The following CTNNA3 variants were observed in gnomAD, a reference collection of about 807,000 sequenced individuals.
The protein encoded by CTNNA3 is catenin alpha-3.
Under a neutral mutation model 95.7 loss-of-function variants are expected in CTNNA3, and 76 were observed. The ratio of observed to expected loss-of-function variants is 0.79; its 90% CI spans 0.66 to 0.96. The LOEUF is 0.96. Among genes scored for constraint, CTNNA3 ranks in the 40% least tolerant of loss-of-function variants. CTNNA3 has a pLI of 0.00. For missense variants in CTNNA3, 1,191 were observed against 1,089.8 expected (o/e 1.09, Z -1.31); for synonymous variants, 431 against 374.4 (o/e 1.15, Z -1.74).
At chr10:66,452,967 A>G (rs1483340841) in intron 11 of CTNNA3, among the ~76,000 whole-genome samples, 2 of 152,054 alleles carry the variant, frequency 1.3e-5, no homozygotes, top group African/African-American at 4.8e-5. Flanking sequence ...TGTAATCCCA[A>G]CACTTTCAGA....
At chr10:66,681,545 T>A (rs1847068459) in intron 9 of CTNNA3, among the ~76,000 whole-genome samples, 1 of 152,004 alleles carries the variant, frequency 6.6e-6, no homozygotes. Context: ...AATATCGGAG[T>A]CCTGGCCTAA....
intron 17 of CTNNA3, among the ~76,000 whole-genome samples, chr10:65,943,541 G>T (rs539419834): frequency 6.6e-6 from 1 of 152,238 alleles, no homozygotes; most frequent in South Asian, 2.1e-4. Context: ...CAACTAGCAG[G>T]GTGAATGGTA....
At chr10:66,754,854 A>C (rs1313540532) in intron 9 of CTNNA3, among the ~76,000 whole-genome samples, 4 of 152,160 alleles carry the variant, frequency 2.6e-5, no homozygotes, top group Non-Finnish European at 4.4e-5. Context: ...TGCAGATGAG[A>C]ATGTAAAATG....
intron 7 of CTNNA3, among the ~76,000 whole-genome samples, chr10:66,986,260 G>A (rs1850722794): frequency 6.6e-6 from 1 of 152,088 alleles, no homozygotes; most frequent in South Asian, 2.1e-4. Flanking sequence ...GGCTTTGAGA[G>A]GCCGAGGCAG....
At chr10:66,167,579 CT>C (rs1255621246) in intron 13 of CTNNA3, among the ~76,000 whole-genome samples, 1 of 151,874 alleles carries the variant, frequency 6.6e-6, no homozygotes, top group Non-Finnish European at 1.5e-5. Context: ...TATTATTTTA[CT>C]TTAATTTTTG....
intron 15 of CTNNA3, among the ~76,000 whole-genome samples, chr10:65,991,503 T>G (rs2078545442): frequency 6.6e-6 from 1 of 150,550 alleles, no homozygotes; most frequent in African/African-American, 2.4e-5. Flanking sequence ...ATTCCTAGGC[T>G]TTTTTTTTGT....
intron 11 of CTNNA3, among the ~76,000 whole-genome samples, chr10:66,401,608 T>G (rs2093022053): frequency 1.3e-5 from 2 of 151,830 alleles, no homozygotes; most frequent in African/African-American, 4.8e-5. Flanking sequence ...GATTGAATTT[T>G]GATTTTACTT....
chr10:66,353,010 T>G (rs1217074019), intron 12 of CTNNA3, among the ~76,000 whole-genome samples: 1 of 152,078 alleles, frequency 6.6e-6, no homozygotes, highest in Admixed American at 6.6e-5. Context: ...ATTATTTTAT[T>G]ATCATTATGT....
At chr10:65,955,396 T>C (rs2077707806) in intron 17 of CTNNA3, among the ~76,000 whole-genome samples, 3 of 152,200 alleles carry the variant, frequency 2.0e-5, no homozygotes, top group Admixed American at 1.3e-4. Flanking sequence ...TCCTGCCTGA[T>C]TGCCCTGGCC....
intron 5 of CTNNA3, among the ~76,000 whole-genome samples, chr10:67,224,316 C>T (rs1864792151): frequency 6.6e-6 from 1 of 152,158 alleles, no homozygotes; most frequent in African/African-American, 2.4e-5. Context: ...TGTTTAGATT[C>T]CACATATAAA....
chr10:67,494,883 G>A (rs1838976828), intron 5 of CTNNA3, among the ~76,000 whole-genome samples: 1 of 152,070 alleles, frequency 6.6e-6, no homozygotes, highest in Admixed American at 6.5e-5. Context: ...ACTGGCTCAG[G>A]GCACCAAAGA....
At chr10:66,142,548 T>C (rs2083673374) in intron 13 of CTNNA3, among the ~76,000 whole-genome samples, 1 of 152,068 alleles carries the variant, frequency 6.6e-6, no homozygotes, top group Admixed American at 6.6e-5. Flanking sequence ...CTTTCTGAGA[T>C]TTTGATTGGG....
intron 15 of CTNNA3, among the ~76,000 whole-genome samples, chr10:66,066,263 A>G (rs2080311179): frequency 6.6e-6 from 1 of 152,224 alleles, no homozygotes; most frequent in Admixed American, 6.5e-5. Context: ...AACAAATTAT[A>G]GAAGGTTAAA....
At chr10:66,608,142 A>T (rs1844195439) in intron 10 of CTNNA3, among the ~76,000 whole-genome samples, 1 of 152,176 alleles carries the variant, frequency 6.6e-6, no homozygotes, top group Non-Finnish European at 1.5e-5. Flanking sequence ...TACCATTCCC[A>T]TACATCAACA....
rs12413514 is a variant in CTNNA3 at position 67,717,959 on chromosome 10, G to A, written c.-2+45475C>T. On this transcript the variant is annotated intron_variant, in intron 1 of 17. Transcript: ENST00000684154. ...TTCTTCCAACCCACGAGCACAGAAT[G>A]TTTTTCCATTTGTTTCTGTCCTCTT... Among the ~76,000 whole-genome samples, 5,054 of 152,192 alleles carry A rather than the reference G, an allele frequency of 0.033. 601 individuals carry two copies. The East Asian group carries it at 0.44, about 13-fold the overall frequency.
At chr10:67,185,974 C>T (rs925144100) in intron 6 of CTNNA3, among the ~76,000 whole-genome samples, 2 of 147,698 alleles carry the variant, frequency 1.4e-5, no homozygotes, top group Non-Finnish European at 1.5e-5. Flanking sequence ...TGCAGTGAGC[C>T]GAGATCACAC....
chr10:67,476,820 T>A (rs1360220167), intron 5 of CTNNA3, among the ~76,000 whole-genome samples: 2 of 149,354 alleles, frequency 1.3e-5, no homozygotes, highest in East Asian at 4.0e-4. Flanking sequence ...TCACACAGAG[T>A]TACAGCCTGA....
intron 12 of CTNNA3, among the ~76,000 whole-genome samples, chr10:66,319,654 A>G (rs1232608452): frequency 6.6e-6 from 1 of 152,138 alleles, no homozygotes; most frequent in Non-Finnish European, 1.5e-5. Flanking sequence ...GCCACCAACC[A>G]TACACCTATA....
chr10:66,647,016 GA>G (rs11334980), intron 9 of CTNNA3, among the ~76,000 whole-genome samples: 99,936 of 147,952 alleles, frequency 0.68, 34,229 homozygotes, highest in East Asian at 0.95. Flanking sequence ...AAGCAAAAAA[GA>G]AAAAAAAAAA....
Sources: gnomAD v4.1 joint callset for allele counts (sites outside exome capture counted in the v4.1 genomes callset) on GRCh38, gnomAD v4.1.1 for gene constraint, MANE v1.5 for transcripts, NCBI Gene and HGNC (gene_info 2026-07-23, HGNC 2026-07-21) for gene names.